The following PPP6R3 variants were observed in gnomAD, a reference collection of about 807,000 sequenced individuals.
The protein encoded by PPP6R3 is protein phosphatase 6 regulatory subunit 3.
PPP6R3 carries 38 observed loss-of-function variants against 110.7 expected under a neutral mutation model. The observed-to-expected ratio is 0.34, with a 90% CI of 0.26 to 0.45. PPP6R3 has a LOEUF of 0.45. Ranked by LOEUF, PPP6R3 falls within the 20% of genes least tolerant of loss-of-function variation. PPP6R3 has a pLI of 1.00. For missense variants in PPP6R3, 870 were observed against 1,062.4 expected, an observed-to-expected ratio of 0.82 and a Z score of 2.52; for synonymous variants, 369 against 373.5, an observed-to-expected ratio of 0.99 and a Z score of 0.14.
chr11:68,481,537 A>T (rs59876914), intron 1 of PPP6R3, among the ~76,000 whole-genome samples: 7,152 of 152,318 alleles, frequency 0.047, 615 homozygotes, highest in African/African-American at 0.16. Flanking sequence ...ATGAGAAAGG[A>T]TTGTAGAGGA....
At chr11:68,550,309 T>TA (rs747231595) in intron 5 of PPP6R3, among the ~76,000 whole-genome samples, 1 of 152,162 alleles carries the variant, frequency 6.6e-6, no homozygotes, top group African/African-American at 2.4e-5. Flanking sequence ...CTCTGTTCCT[T>TA]AAGCAAATTG....
At chr11:68,533,704 CAAAAAAAAAAA>C (rs58617776) in intron 2 of PPP6R3, among the ~76,000 whole-genome samples, 1 of 56,144 alleles carries the variant, frequency 1.8e-5, no homozygotes, top group African/African-American at 6.8e-5. Flanking sequence ...GACCTTGTCT[CAAAAAAAAAAA>C]AAAAAAAAAA....
At chr11:68,492,754 C>T (rs1271986658) in intron 1 of PPP6R3, among the ~76,000 whole-genome samples, 1 of 152,192 alleles carries the variant, frequency 6.6e-6, no homozygotes, top group Non-Finnish European at 1.5e-5. Context: ...TCCACTTTGC[C>T]CACATTAGCT....
intron 1 of PPP6R3, among the ~76,000 whole-genome samples, chr11:68,467,343 C>T (rs1230552344): frequency 6.6e-6 from 1 of 152,146 alleles, no homozygotes; most frequent in Admixed American, 6.5e-5. Flanking sequence ...TTGAATTCCC[C>T]AGAGATTGAC....
chr11:68,574,386 A>G (rs1352499269), intron 13 of PPP6R3, among the ~76,000 whole-genome samples, 162 bp downstream of exon 13: 1 of 152,210 alleles, frequency 6.6e-6, no homozygotes, highest in Non-Finnish European at 1.5e-5. Flanking sequence ...GTGTTTGAAC[A>G]GTGTTGTTTT....
chr11:68,502,823 G>A (rs765042127), intron 1 of PPP6R3, among the ~76,000 whole-genome samples: 1 of 152,238 alleles, frequency 6.6e-6, no homozygotes, highest in Non-Finnish European at 1.5e-5. Flanking sequence ...TAAATACCAT[G>A]TGCTTGTGAG....
At chr11:68,538,547 A>C (rs2099284786) in intron 3 of PPP6R3, among the ~76,000 whole-genome samples, 1 of 152,224 alleles carries the variant, frequency 6.6e-6, no homozygotes, top group East Asian at 1.9e-4. Flanking sequence ...GAGCAACTTC[A>C]GAAACAAAAA....
chr11:68,598,044 T>C (rs369105792), intron 19 of PPP6R3, among the ~76,000 whole-genome samples: 8 of 152,228 alleles, frequency 5.3e-5, no homozygotes, highest in Admixed American at 2.6e-4. Context: ...TTTAAAACTT[T>C]TTCATCCTAA....
At chr11:68,579,177 A>G (rs911579749) in intron 14 of PPP6R3, among the ~76,000 whole-genome samples, 24 of 152,306 alleles carry the variant, frequency 1.6e-4, no homozygotes, top group Non-Finnish European at 2.8e-4. Flanking sequence ...GTTTCTAACT[A>G]ATCCTAGGTT....
intron 16 of PPP6R3, 131 bp from the exon 17 acceptor site, chr11:68,590,527 TTC>T (rs2099591852): frequency 2.0e-6 from 2 of 1,010,350 alleles, no homozygotes; most frequent in African/African-American, 1.6e-5. Context: ...AGAAGGTTGT[TTC>T]TGTTTGTTTT....
intron 9 of PPP6R3, among the ~76,000 whole-genome samples, chr11:68,564,660 C>G (rs1156350792): frequency 6.6e-6 from 1 of 152,120 alleles, no homozygotes; most frequent in Non-Finnish European, 1.5e-5. Flanking sequence ...TCTGTAAATT[C>G]TTGGGTACTT....
rs545061804 is a variant in PPP6R3 at position 68,475,554 on chromosome 11, T to A, written c.-158+14727T>A. Among the ~76,000 whole-genome samples, 31 of 135,630 alleles carry A rather than the reference T, an allele frequency of 2.3e-4. No individual in the cohort carries two copies. In the South Asian group the frequency reaches 7.1e-3, roughly 31 times the overall value. The allele number at this position is 135,630 out of a possible 152,430, so 89.0% of individuals were successfully genotyped here. A position where few individuals can be genotyped will look rare whatever the true frequency, so the allele number is the denominator to read the frequency against. ...GCCGGGCGGGGGCTGGCCCCCCACC[T>A]CCCTCCCGGACGGGGCGGCTGGCCG... On this transcript the variant is annotated intron_variant, in intron 1 of 23. Transcript: ENST00000393800.
chr11:68,568,267 G>A (rs565543349), intron 10 of PPP6R3, among the ~76,000 whole-genome samples: 2 of 152,140 alleles, frequency 1.3e-5, no homozygotes, highest in African/African-American at 2.4e-5. Flanking sequence ...ATAAAACTCC[G>A]GGAATATAAC....
intron 1 of PPP6R3, among the ~76,000 whole-genome samples, chr11:68,497,277 A>C (rs1458813136): frequency 6.8e-6 from 1 of 147,724 alleles, no homozygotes; most frequent in Non-Finnish European, 1.5e-5. Flanking sequence ...GATGGTCTCG[A>C]TCTCCTGACC....
At position 68,492,892 on chromosome 11, in the gene PPP6R3, T is replaced by TA. The variant is rs2098992629; in HGVS notation, c.-157-26608dup. ...TTTATAGAATTTACAAGGTCTGTGT[T>TA]ACTATATTTTCCTGGTTTTCTTCCT... On this transcript the variant is annotated intron_variant, in intron 1 of 23. Coordinates refer to ENST00000393800, the MANE Select transcript of PPP6R3 (RefSeq NM_001164161.2). Among the ~76,000 whole-genome samples, 3 of 152,196 alleles carry TA rather than the reference T, an allele frequency of 2.0e-5. No homozygotes were observed. The South Asian group carries it at 6.2e-4, about 32-fold the overall frequency.
chr11:68,594,648 C>T (rs2099608012), intron 18 of PPP6R3, among the ~76,000 whole-genome samples: 2 of 152,146 alleles, frequency 1.3e-5, no homozygotes, highest in South Asian at 4.1e-4. Flanking sequence ...TACTAAGCTG[C>T]CAGCTCTCCT....
chr11:68,609,826 T>C, intron 22 of PPP6R3, 78 bp from the exon 23 acceptor site: 1 of 1,601,148 alleles, frequency 6.2e-7, no homozygotes, highest in Non-Finnish European at 8.5e-7. Flanking sequence ...CAGAGCCATC[T>C]GCATGTGACC....
chr11:68,500,517 G>C (rs558163588), intron 1 of PPP6R3, among the ~76,000 whole-genome samples: 2 of 152,246 alleles, frequency 1.3e-5, no homozygotes, highest in South Asian at 4.1e-4. Flanking sequence ...TCAGTCTGTT[G>C]CCCAAGCCGG....
chr11:68,537,656 T>C lies in PPP6R3; in HGVS notation c.-6-3T>C, dbSNP rs1386990945. 3.3e-6 allele frequency: 5 copies of C among 1,526,818 alleles called. No homozygotes were observed. The highest frequency in any genetic ancestry group is 4.5e-6 in the Non-Finnish European group (5 of 1,117,232). 94.6% of individuals were successfully genotyped at this position (1,526,818 alleles called of 1,614,324 possible). A position where few individuals can be genotyped will look rare whatever the true frequency, so the allele number is the denominator to read the frequency against. Reference sequence around the variant, plus strand: ...TATGAAATACTTTCTGCATTTTGTTTAGACCAGCATGTTTTGGAAATTTGA... The same window carrying C: ...TATGAAATACTTTCTGCATTTTGTTCAGACCAGCATGTTTTGGAAATTTGA... On this transcript the variant is annotated splice_region_variant and splice_polypyrimidine_tract_variant and intron_variant, in intron 2 of 23. Coordinates refer to ENST00000393800, the MANE Select transcript of PPP6R3 (RefSeq NM_001164161.2).
Sources: allele counts gnomAD v4.1 joint callset (sites outside exome capture counted in the v4.1 genomes callset), GRCh38; gene constraint gnomAD v4.1.1; transcripts MANE v1.5; gene names NCBI Gene and HGNC (gene_info 2026-07-23, HGNC 2026-07-21).